The following KLF12 variants were observed in gnomAD, a reference collection of about 807,000 sequenced individuals.
KLF12 encodes the protein Krueppel-like factor 12.
A neutral mutation model predicts 37.8 loss-of-function variants in KLF12; 9 were observed. The ratio of observed to expected loss-of-function variants is 0.24; its 90% CI spans 0.14 to 0.42. The LOEUF (loss-of-function observed/expected upper bound fraction) is 0.42, where lower values mean the gene tolerates loss of function less well. KLF12 is among the 10% of genes least tolerant of loss of function. The pLI is 1.00. For synonymous variants in KLF12, 208 were observed against 202.1 expected, an observed-to-expected ratio of 1.03 and a Z score of -0.25; for missense variants, 411 against 516.0, an observed-to-expected ratio of 0.80 and a Z score of 1.97.
At chr13:73,752,746 CA>C (rs2137983894) in intron 6 of KLF12, among the ~76,000 whole-genome samples, 2 of 57,696 alleles carry the variant, frequency 3.5e-5, no homozygotes, top group African/African-American at 2.3e-4. Context: ...TTTTTTTTGA[CA>C]CAGAGTCTTG....
the KLF12 span, among the ~76,000 whole-genome samples, chr13:74,280,106 T>C: frequency 6.6e-6 from 1 of 152,226 alleles, no homozygotes; most frequent in African/African-American, 2.4e-5. Context: ...TCCTGAGTGG[T>C]TGGTGAGCAT....
intron 7 of KLF12, among the ~76,000 whole-genome samples, chr13:73,702,730 G>C (rs933177915): frequency 6.6e-6 from 1 of 152,118 alleles, no homozygotes; most frequent in African/African-American, 2.4e-5. Flanking sequence ...AAGGCTCAAC[G>C]TATTTGCTGT....
At chr13:74,002,643 C>G (rs1405904963) in intron 1 of KLF12, among the ~76,000 whole-genome samples, 1 of 152,198 alleles carries the variant, frequency 6.6e-6, no homozygotes, top group Non-Finnish European at 1.5e-5. Context: ...GCTGGGATTA[C>G]AGGCATGAGC....
chr13:73,779,171 C>CT (rs1566362128), intron 5 of KLF12, among the ~76,000 whole-genome samples: 1 of 152,192 alleles, frequency 6.6e-6, no homozygotes, highest in Middle Eastern at 3.4e-3. Flanking sequence ...ACTGGAGTAT[C>CT]TTTTTTTATT....
At chr13:73,907,764 C>G (rs1044022344) in intron 3 of KLF12, among the ~76,000 whole-genome samples, 3 of 152,056 alleles carry the variant, frequency 2.0e-5, no homozygotes, top group African/African-American at 7.2e-5. Context: ...TCTGTTATCC[C>G]CTCTGAACAT....
chr13:74,050,536 T>A (rs185284649), intron 1 of KLF12, among the ~76,000 whole-genome samples: 12 of 152,230 alleles, frequency 7.9e-5, no homozygotes, highest in Admixed American at 7.2e-4. Context: ...CCCAAGAAGA[T>A]GTACTTGACA....
intron 2 of KLF12, among the ~76,000 whole-genome samples, chr13:73,961,394 T>A (rs1274715029): frequency 6.6e-6 from 1 of 152,010 alleles, no homozygotes; most frequent in African/African-American, 2.4e-5. Flanking sequence ...AATCAACAAC[T>A]CTTCTCAGAT....
intron 1 of KLF12, among the ~76,000 whole-genome samples, chr13:74,075,990 C>T (rs1017886317): frequency 2.0e-5 from 3 of 152,170 alleles, no homozygotes; most frequent in Non-Finnish European, 4.4e-5. Context: ...CTGCTCTTTA[C>T]AGCCAAAAAC....
chr13:73,924,781 TG>T (rs1236292448), intron 3 of KLF12, among the ~76,000 whole-genome samples: 1 of 152,164 alleles, frequency 6.6e-6, no homozygotes, highest in Non-Finnish European at 1.5e-5. Flanking sequence ...AGCCACACTG[TG>T]AATGAAAAGG....
At chr13:74,099,975 G>A (rs1341094976) in intron 1 of KLF12, among the ~76,000 whole-genome samples, 1 of 152,126 alleles carries the variant, frequency 6.6e-6, no homozygotes, top group Non-Finnish European at 1.5e-5. Flanking sequence ...GCCATGGAGT[G>A]CTGATGGGAA....
At chr13:74,134,562 C>A (rs1346638689), upstream of KLF12, among the ~76,000 whole-genome samples, 1 of 150,868 alleles carries the variant, frequency 6.6e-6, no homozygotes, top group Non-Finnish European at 1.5e-5. Context: ...CCCCCGCCCT[C>A]CGGCCCCGGG....
chr13:74,260,305 C>A, the KLF12 span, among the ~76,000 whole-genome samples: 28 of 152,032 alleles, frequency 1.8e-4, no homozygotes, highest in African/African-American at 5.1e-4. Flanking sequence ...CCTCGAATCC[C>A]AGTACTTTGG....
At chr13:74,067,851 A>T (rs1366911596) in intron 1 of KLF12, among the ~76,000 whole-genome samples, 1 of 152,248 alleles carries the variant, frequency 6.6e-6, no homozygotes, top group Non-Finnish European at 1.5e-5. Context: ...TATACAGGAA[A>T]GTAGGCAAGT....
intron 1 of KLF12, among the ~76,000 whole-genome samples, chr13:74,102,171 T>C (rs144018183): frequency 2.6e-4 from 39 of 148,640 alleles, no homozygotes; most frequent in African/African-American, 9.0e-4. Context: ...TGAGCCAAGA[T>C]TGCACCACTG....
At chr13:74,122,630 AG>A (rs1156305608) in intron 1 of KLF12, among the ~76,000 whole-genome samples, 2 of 152,120 alleles carry the variant, frequency 1.3e-5, no homozygotes, top group East Asian at 3.8e-4. Context: ...CTGGAAACAC[AG>A]TATTTCCCTC....
In KLF12 at chr13:74,041,102, A is replaced by G. The variant is rs116711955; in HGVS notation, c.-31-46049T>C. On this transcript the variant is annotated intron_variant, in intron 1 of 7. Transcript: ENST00000377669. ...CACAAAGATATCTTAGCTGACAACC[A>G]CACTAGACTACTTATACACACCTTT... is the stretch of plus-strand genomic sequence containing the variant. Among the ~76,000 whole-genome samples, 832 of 152,250 alleles carry G rather than the reference A, an allele frequency of 5.5e-3. 11 individuals carry two copies. The highest frequency in any genetic ancestry group is 0.02 in the African/African-American group (811 of 41,550).
At chr13:73,774,491 C>G in intron 5 of KLF12, among the ~76,000 whole-genome samples, 1 of 152,148 alleles carries the variant, frequency 6.6e-6, no homozygotes, top group South Asian at 2.1e-4. Flanking sequence ...CCATCCGTCA[C>G]TTCCTCACCA....
rs567124801 is a variant in KLF12, at chr13:73,911,618, G to A, written c.123+32363C>T. 2.6e-5 allele frequency among the ~76,000 whole-genome samples: 4 copies of A among 152,374 alleles called. No homozygotes were observed. The South Asian group carries it at 8.3e-4, about 32-fold the overall frequency. On this transcript the variant is annotated intron_variant, in intron 3 of 7. Transcript: ENST00000377669. Reference sequence around the variant, plus strand: ...AGGTTCTTGAATAAATGCATATGCAGTGAATTTCTATGAACTTGAGAGTAT... The same window carrying A: ...AGGTTCTTGAATAAATGCATATGCAATGAATTTCTATGAACTTGAGAGTAT...
At chr13:73,944,745 T>C (rs1221084938) in intron 2 of KLF12, among the ~76,000 whole-genome samples, 1 of 143,456 alleles carries the variant, frequency 7.0e-6, no homozygotes, top group Non-Finnish European at 1.5e-5. Context: ...ATCTTATCTA[T>C]ATTGTAGCTC....
Sources: gnomAD v4.1 joint callset for allele counts (sites outside exome capture counted in the v4.1 genomes callset) on GRCh38, gnomAD v4.1.1 for gene constraint, MANE v1.5 for transcripts, NCBI Gene and HGNC (gene_info 2026-07-23, HGNC 2026-07-21) for gene names.